The following CEP83 variants were observed in gnomAD, a reference collection of about 807,000 sequenced individuals.
CEP83 encodes the protein centrosomal protein 83, also known as centrosomal protein of 83 kDa.
CEP83 carries 70 observed loss-of-function variants against 101.9 expected under a neutral mutation model. That is an observed-to-expected ratio of 0.69 (90% CI 0.57 to 0.84). The LOEUF is 0.84. Among genes scored for constraint, CEP83 ranks in the 40% least tolerant of loss-of-function variants. The probability of loss-of-function intolerance (pLI) is 0.00; values close to 1 mark genes in which losing one functional copy is unlikely to be tolerated. For synonymous variants in CEP83, 264 were observed against 267.9 expected (o/e 0.99, Z 0.14); for missense variants, 715 against 787.2 (o/e 0.91, Z 1.10).
At chr12:94,429,310 G>A (rs1011735520) in intron 2 of CEP83, among the ~76,000 whole-genome samples, 6 of 152,138 alleles carry the variant, frequency 3.9e-5, no homozygotes, top group Admixed American at 3.9e-4. Context: ...TGCAATCCTA[G>A]CCACAGTAGA....
At chr12:94,351,716 G>T (rs908078209) in intron 11 of CEP83, among the ~76,000 whole-genome samples, 2 of 152,066 alleles carry the variant, frequency 1.3e-5, no homozygotes, top group Non-Finnish European at 2.9e-5. Flanking sequence ...AAGCAGAAAT[G>T]CACCCCACAT....
chr12:94,295,321 C>T, the CEP83 span, among the ~76,000 whole-genome samples: 2 of 152,160 alleles, frequency 1.3e-5, no homozygotes, highest in Non-Finnish European at 2.9e-5. Flanking sequence ...GGGTAGGACT[C>T]CTTTGGGGAA....
chr12:94,454,519 A>C (rs908442738), intron 1 of CEP83, among the ~76,000 whole-genome samples: 1 of 152,176 alleles, frequency 6.6e-6, no homozygotes, highest in Admixed American at 6.5e-5. Context: ...AAAATGGACC[A>C]ATCAGCTCTC....
chr12:94,460,126 C>T (rs1353155033), upstream of CEP83: 1 of 151,796 alleles, frequency 6.6e-6, no homozygotes, highest in Non-Finnish European at 1.5e-5. Context: ...CGAAGGCGTT[C>T]CTGGAGGGCC....
intron 6 of CEP83, among the ~76,000 whole-genome samples, chr12:94,387,179 T>C (rs1342195803): frequency 1.3e-5 from 2 of 152,120 alleles, no homozygotes; most frequent in East Asian, 3.9e-4. Flanking sequence ...TTTATGACCC[T>C]CTAAAGCAAG....
chr12:94,413,825 TACACACACACACACACAC>T (rs56372938), intron 2 of CEP83, among the ~76,000 whole-genome samples: 23 of 140,492 alleles, frequency 1.6e-4, no homozygotes, highest in Admixed American at 5.0e-4. Context: ...CCATAATACA[TACACACACACACACACAC>T]ACACACACAC....
chr12:94,424,473 T>C, intron 2 of CEP83: 1 of 1,614,048 alleles, frequency 6.2e-7, no homozygotes, highest in Non-Finnish European at 8.5e-7. Context: ...TCTCGAAGGA[T>C]ACGGGTGGAG....
chr12:94,313,705 C>T (rs773291651), intron 14 of CEP83, among the ~76,000 whole-genome samples: 4 of 151,910 alleles, frequency 2.6e-5, no homozygotes, highest in Non-Finnish European at 5.9e-5. Flanking sequence ...GGCGTGGTGG[C>T]GGGTGCCTGT....
At chr12:94,301,203 T>C in the CEP83 span, 2 of 554,264 alleles carry the variant, frequency 3.6e-6, no homozygotes, top group Admixed American at 7.1e-5. Context: ...TTTGCTGTTA[T>C]TTAAAATCTG....
chr12:94,339,434 A>C (rs1313596601), intron 11 of CEP83, among the ~76,000 whole-genome samples: 1 of 152,204 alleles, frequency 6.6e-6, no homozygotes, highest in Non-Finnish European at 1.5e-5. Flanking sequence ...CACTAGCAAC[A>C]TGTTGCTAGT....
chr12:94,360,499 CTTCT>C (rs532388382), intron 11 of CEP83, among the ~76,000 whole-genome samples: 50 of 151,850 alleles, frequency 3.3e-4, no homozygotes, highest in African/African-American at 1.0e-3. Flanking sequence ...AGAAAGAAAT[CTTCT>C]TTATTATAAT....
intron 15 of CEP83, 38 bp downstream of exon 15, chr12:94,312,876 A>C: frequency 1.6e-6 from 2 of 1,284,262 alleles, no homozygotes. Flanking sequence ...TGACATCAAA[A>C]TAACCACATG....
chr12:94,452,429 T>C (rs2067328680), intron 1 of CEP83, among the ~76,000 whole-genome samples: 1 of 152,168 alleles, frequency 6.6e-6, no homozygotes, highest in Admixed American at 6.5e-5. Flanking sequence ...ATAGTTGTAG[T>C]AATCAAGGCT....
chr12:94,427,915 C>T (rs1450009349), intron 2 of CEP83, among the ~76,000 whole-genome samples: 4 of 152,268 alleles, frequency 2.6e-5, no homozygotes, highest in Admixed American at 6.5e-5. Flanking sequence ...CACAACTTGA[C>T]GCCCTGCCAG....
At chr12:94,366,259 A>T (rs147438774) in intron 11 of CEP83, among the ~76,000 whole-genome samples, 1,842 of 152,310 alleles carry the variant, frequency 0.012, 21 homozygotes, top group Non-Finnish European at 0.02. Flanking sequence ...TAGAATAGAA[A>T]GAATAAACCT....
intron 4 of CEP83, chr12:94,408,059 C>T (rs2063655800): frequency 6.6e-6 from 1 of 152,272 alleles, no homozygotes; most frequent in Admixed American, 6.5e-5. Context: ...CTCAGGTGAT[C>T]CACACAACTC....
the CEP83 span, among the ~76,000 whole-genome samples, chr12:94,271,897 A>G: frequency 6.6e-6 from 1 of 152,136 alleles, no homozygotes; most frequent in South Asian, 2.1e-4. Context: ...TCATCATGAA[A>G]AGCATTTCTT....
intron 11 of CEP83, among the ~76,000 whole-genome samples, chr12:94,356,248 C>T (rs540706335): frequency 1.4e-3 from 216 of 152,110 alleles, no homozygotes; most frequent in Non-Finnish European, 2.6e-3. Flanking sequence ...GGGTCTGGTT[C>T]GTTTCATCTT....
At chr12:94,361,183 G>C (rs1200003923) in intron 11 of CEP83, 1 of 152,322 alleles carries the variant, frequency 6.6e-6, no homozygotes, top group South Asian at 2.1e-4. Flanking sequence ...CCTAGGGGAA[G>C]ATTTTACGGG....
Sources: allele counts gnomAD v4.1 joint callset (sites outside exome capture counted in the v4.1 genomes callset), GRCh38; gene constraint gnomAD v4.1.1; transcripts MANE v1.5; gene names NCBI Gene and HGNC (gene_info 2026-07-23, HGNC 2026-07-21).